The following TSPAN18 variants were observed in gnomAD, a reference collection of about 807,000 sequenced individuals.
TSPAN18 encodes tetraspanin-18.
A neutral mutation model predicts 27.3 loss-of-function variants in TSPAN18; 14 were observed. The observed-to-expected ratio is 0.51, with a 90% CI of 0.34 to 0.80. TSPAN18 has a LOEUF of 0.80. Among genes scored for constraint, TSPAN18 ranks in the 30% least tolerant of loss-of-function variants. The pLI is 0.01. For synonymous variants in TSPAN18, 143 were observed against 136.5 expected (o/e 1.05, Z -0.33); for missense variants, 268 against 323.9 (o/e 0.83, Z 1.32).
chr11:44,740,564 C>T (rs139353558), intron 1 of TSPAN18, among the ~76,000 whole-genome samples: 5 of 152,166 alleles, frequency 3.3e-5, no homozygotes, highest in Admixed American at 6.5e-5. Flanking sequence ...ACGTAGTGGC[C>T]GAGCTCAGAG....
At chr11:44,868,245 C>A (rs184761492) in intron 3 of TSPAN18, among the ~76,000 whole-genome samples, 1 of 152,316 alleles carries the variant, frequency 6.6e-6, no homozygotes, top group African/African-American at 2.4e-5. Flanking sequence ...GCCTTGGAAG[C>A]CTTCAGTTGC....
At chr11:44,739,587 G>T (rs1223630163) in intron 1 of TSPAN18, among the ~76,000 whole-genome samples, 19 of 152,234 alleles carry the variant, frequency 1.2e-4, no homozygotes, top group Non-Finnish European at 1.3e-4. Context: ...TTACGCCAAT[G>T]CATTCCAGCC....
chr11:44,823,738 G>T (rs952914981), intron 2 of TSPAN18, among the ~76,000 whole-genome samples: 1 of 152,120 alleles, frequency 6.6e-6, no homozygotes, highest in Non-Finnish European at 1.5e-5. Context: ...GTCTCCTGCT[G>T]CTATCAAAAG....
At chr11:44,883,626 C>A (rs2135264765) in intron 3 of TSPAN18, among the ~76,000 whole-genome samples, 1 of 152,348 alleles carries the variant, frequency 6.6e-6, no homozygotes, top group South Asian at 2.1e-4. Context: ...AAGCCCAAGG[C>A]AGGCAAGTAA....
intron 2 of TSPAN18, among the ~76,000 whole-genome samples, chr11:44,814,405 T>G (rs1856779701): frequency 6.6e-6 from 1 of 152,172 alleles, no homozygotes; most frequent in African/African-American, 2.4e-5. Flanking sequence ...TTTGCTTATT[T>G]GAAAATCACA....
rs1590634470 is a variant in TSPAN18 at position 44,889,447 on chromosome 11, C to T, written c.-10-16960C>T. On this transcript the variant is annotated intron_variant, in intron 3 of 9. Transcript: ENST00000520358. Reference sequence around the variant, plus strand: ...GCCATGGCCACCTCACACCCCAGCCCCAGGCTCTCTCTGGAGGCAGGAGGG... The same window carrying T: ...GCCATGGCCACCTCACACCCCAGCCTCAGGCTCTCTCTGGAGGCAGGAGGG... 3.3e-5 allele frequency among the ~76,000 whole-genome samples: 5 copies of T among 152,242 alleles called. No individual in the cohort carries two copies. In the East Asian group the frequency reaches 9.6e-4, roughly 29 times the overall value.
intron 3 of TSPAN18, among the ~76,000 whole-genome samples, chr11:44,862,714 T>C (rs965553947): frequency 2.0e-5 from 3 of 152,358 alleles, no homozygotes; most frequent in African/African-American, 7.2e-5. Flanking sequence ...CCTCGCCTGA[T>C]GTCTCAGACA....
chr11:44,869,120 C>G (rs138309660), intron 3 of TSPAN18, among the ~76,000 whole-genome samples: 3 of 152,258 alleles, frequency 2.0e-5, no homozygotes, highest in African/African-American at 7.2e-5. Flanking sequence ...ATTTAACTCT[C>G]GAAGAAAGTG....
chr11:44,812,078 G>T (rs758681624), intron 2 of TSPAN18, among the ~76,000 whole-genome samples: 1 of 152,154 alleles, frequency 6.6e-6, no homozygotes, highest in Non-Finnish European at 1.5e-5. Context: ...AATCAAACAC[G>T]CTTACCTCCC....
chr11:44,870,663 G>T (rs1005775543), intron 3 of TSPAN18, among the ~76,000 whole-genome samples: 2 of 152,180 alleles, frequency 1.3e-5, no homozygotes, highest in African/African-American at 4.8e-5. Flanking sequence ...CTTTGAGATG[G>T]AATCATTTTA....
At chr11:44,770,321 C>G (rs1855663025) in intron 2 of TSPAN18, among the ~76,000 whole-genome samples, 1 of 152,052 alleles carries the variant, frequency 6.6e-6, no homozygotes, top group Non-Finnish European at 1.5e-5. Flanking sequence ...ATAGGAGGTA[C>G]AGGGAAGGCC....
At chr11:44,852,313 G>A (rs906083189) in intron 2 of TSPAN18, among the ~76,000 whole-genome samples, 6 of 152,172 alleles carry the variant, frequency 3.9e-5, no homozygotes, top group Admixed American at 3.9e-4. Context: ...GTTACACGTA[G>A]TAACAACACT....
intron 3 of TSPAN18, among the ~76,000 whole-genome samples, chr11:44,894,707 G>A (rs761574062): frequency 2.6e-5 from 4 of 152,230 alleles, no homozygotes; most frequent in Non-Finnish European, 5.9e-5. Context: ...GCTCCCATCT[G>A]TCAAGGGATG....
At position 44,909,759 on chromosome 11, in the gene TSPAN18, G is replaced by A. The variant is rs777649688; in HGVS notation, c.118G>A (p.Gly40Ser). The A allele has an allele frequency of 1.1e-5, 18 of 1,613,566 alleles. No individual in the cohort carries two copies. The highest frequency in any genetic ancestry group is 1.6e-4 in the Middle Eastern group (1 of 6,078). ...IGIWVMVDPT[G>S]FREIVAANPL... Reference sequence around the variant, plus strand: ...CATCTGGGTCATGGTGGACCCCACCGGCTTCCGGGAGATCGTGGCTGCCAA... The same window carrying A: ...CATCTGGGTCATGGTGGACCCCACCAGCTTCCGGGAGATCGTGGCTGCCAA... Residue 40 changes from glycine to serine, a missense_variant, in exon 5 of 10, where the codon GGC becomes AGC. Physicochemically the swap from Gly to Ser is moderately conservative, Grantham distance 56. Transcript: ENST00000520358.
At chr11:44,779,496 C>G (rs186539089) in intron 2 of TSPAN18, among the ~76,000 whole-genome samples, 8 of 152,072 alleles carry the variant, frequency 5.3e-5, no homozygotes, top group Non-Finnish European at 7.4e-5. Flanking sequence ...AGGCTGGGAG[C>G]CTTTGAGATT....
At chr11:44,857,373 G>A (rs1333028305) in intron 2 of TSPAN18, among the ~76,000 whole-genome samples, 1 of 152,220 alleles carries the variant, frequency 6.6e-6, no homozygotes, top group Middle Eastern at 3.2e-3. Context: ...TCTAGCAGTG[G>A]AGCCAGGGGT....
chr11:44,929,050 C>T (rs1304104823), intron 9 of TSPAN18, 81 bp from the exon 10 acceptor site: 3 of 1,568,530 alleles, frequency 1.9e-6, no homozygotes, highest in Non-Finnish European at 2.6e-6. Flanking sequence ...GCATTCACTC[C>T]CCTTCCCCTG....
intron 3 of TSPAN18, among the ~76,000 whole-genome samples, chr11:44,899,865 T>G (rs12289701): frequency 0.079 from 11,970 of 152,146 alleles, 914 homozygotes; most frequent in African/African-American, 0.19. Context: ...TCAGGGAAAT[T>G]GGGAGACTTT....
At chr11:44,881,946 T>C (rs2135260972) in intron 3 of TSPAN18, among the ~76,000 whole-genome samples, 1 of 152,356 alleles carries the variant, frequency 6.6e-6, no homozygotes. Context: ...GTTGGAATTA[T>C]ACCTTGGAAG....
Sources: gnomAD v4.1 joint callset for allele counts (sites outside exome capture counted in the v4.1 genomes callset) on GRCh38, gnomAD v4.1.1 for gene constraint, MANE v1.5 for transcripts, NCBI Gene and HGNC (gene_info 2026-07-23, HGNC 2026-07-21) for gene names.